STARD13: variants seen among roughly 807,000 people sequenced by gnomAD.
STARD13 encodes stAR-related lipid transfer protein 13.
Under a neutral mutation model 106.4 loss-of-function variants are expected in STARD13, and 62 were observed. The ratio of observed to expected loss-of-function variants is 0.58; its 90% CI spans 0.48 to 0.72. The LOEUF (loss-of-function observed/expected upper bound fraction) is 0.72, where lower values mean the gene tolerates loss of function less well. Among genes scored for constraint, STARD13 ranks in the 30% least tolerant of loss-of-function variants. The pLI is 0.00. For missense variants in STARD13, 1,387 were observed against 1,424.0 expected (o/e 0.97, Z 0.42); for synonymous variants, 565 against 553.0 (o/e 1.02, Z -0.31).
chr13:33,225,923 C>G lies in STARD13; in HGVS notation c.170-58301G>C, dbSNP rs547401544. Reference sequence around the variant, plus strand: ...AAATTCATATGTTAAAGCCTTAATCCCCAGTGTGACTGCATCCTTAAAGAT... The same window carrying G: ...AAATTCATATGTTAAAGCCTTAATCGCCAGTGTGACTGCATCCTTAAAGAT... On this transcript the variant is annotated intron_variant, in intron 1 of 13. Transcript: ENST00000336934. 2.8e-3 allele frequency among the ~76,000 whole-genome samples: 433 copies of G among 152,192 alleles called. 6 individuals are homozygous for G. Among genetic ancestry groups the G allele is most frequent in the African/African-American group, 0.01 (421 of 41,498 alleles).
rs529337820 is a variant in STARD13, at chr13:33,260,672, A to G, written c.169+24798T>C. ...AGCCTTTCATGTACATGTTTTGTAC[A>G]TCAACTAATATCTAGATATTGCGAC... On this transcript the variant is annotated intron_variant, in intron 1 of 13. Coordinates refer to ENST00000336934, the MANE Select transcript of STARD13 (RefSeq NM_178006.4). Among the ~76,000 whole-genome samples, 6 of 152,334 alleles carry G rather than the reference A, an allele frequency of 3.9e-5. No individual in the cohort carries two copies. The South Asian group carries it at 1.0e-3, about 26-fold the overall frequency.
the STARD13 span, among the ~76,000 whole-genome samples, chr13:33,534,406 AT>A: frequency 1.3e-5 from 2 of 152,194 alleles, no homozygotes; most frequent in African/African-American, 4.8e-5. Context: ...GACAGGGAAA[AT>A]AGTTGAAGAA....
At chr13:33,308,121 T>C (rs980940669) in intron 1 of STARD13, among the ~76,000 whole-genome samples, 3 of 152,202 alleles carry the variant, frequency 2.0e-5, no homozygotes, top group African/African-American at 7.2e-5. Context: ...GGCAAAACAC[T>C]CCACTGGTAG....
At chr13:33,657,931 C>G in the STARD13 span, among the ~76,000 whole-genome samples, 1 of 152,162 alleles carries the variant, frequency 6.6e-6, no homozygotes, top group African/African-American at 2.4e-5. Flanking sequence ...ACATAAAATA[C>G]ATGATTTTAA....
chr13:33,614,495 C>A, the STARD13 span, among the ~76,000 whole-genome samples: 1 of 152,088 alleles, frequency 6.6e-6, no homozygotes, highest in South Asian at 2.1e-4. Flanking sequence ...TCCACCCTTC[C>A]GCATGTCAGG....
the STARD13 span, among the ~76,000 whole-genome samples, chr13:33,657,281 A>G: frequency 1.3e-4 from 1 of 7,896 alleles, no homozygotes; most frequent in Non-Finnish European, 3.6e-4. Context: ...CAAACAAACA[A>G]AGAAAAAAAA....
At chr13:33,529,937 T>C in the STARD13 span, among the ~76,000 whole-genome samples, 3 of 152,094 alleles carry the variant, frequency 2.0e-5, no homozygotes, top group Non-Finnish European at 4.4e-5. Context: ...ATTAAGGAGT[T>C]TGAAATTTTG....
the STARD13 span, among the ~76,000 whole-genome samples, chr13:33,410,266 T>C: frequency 8.4e-4 from 128 of 152,364 alleles, no homozygotes; most frequent in African/African-American, 2.9e-3. Flanking sequence ...CAGCATTTTA[T>C]TGGTGTCACG....
the STARD13 span, among the ~76,000 whole-genome samples, chr13:33,428,113 T>C: frequency 6.6e-6 from 1 of 152,116 alleles, no homozygotes; most frequent in Non-Finnish European, 1.5e-5. Context: ...CTGGGAAAAC[T>C]GGATATACAC....
At chr13:33,479,979 T>G in the STARD13 span, among the ~76,000 whole-genome samples, 2 of 152,160 alleles carry the variant, frequency 1.3e-5, no homozygotes, top group African/African-American at 4.8e-5. Context: ...AAACCTCTTT[T>G]CTTTATAAAT....
At chr13:33,548,950 A>G in the STARD13 span, among the ~76,000 whole-genome samples, 1 of 152,182 alleles carries the variant, frequency 6.6e-6, no homozygotes, top group Non-Finnish European at 1.5e-5. Flanking sequence ...TAATCTCGGG[A>G]TAGAAAAATA....
At chr13:33,295,964 C>A (rs142671811) in intron 1 of STARD13, among the ~76,000 whole-genome samples, 358 of 151,946 alleles carry the variant, frequency 2.4e-3, no homozygotes, top group African/African-American at 8.3e-3. Context: ...ATAATCCCAG[C>A]AGTTTGGGAT....
At chr13:33,121,149 T>C (rs1876224082) in intron 7 of STARD13, among the ~76,000 whole-genome samples, 1 of 152,198 alleles carries the variant, frequency 6.6e-6, no homozygotes, top group Non-Finnish European at 1.5e-5. Flanking sequence ...CTGGGCACAG[T>C]GAGTAGAAGA....
the STARD13 span, among the ~76,000 whole-genome samples, chr13:33,390,006 G>A: frequency 9.9e-5 from 15 of 152,058 alleles, no homozygotes; most frequent in South Asian, 2.1e-3. Context: ...CCCTTCTTTC[G>A]TGCAAGGATA....
downstream of STARD13, among the ~76,000 whole-genome samples, chr13:33,343,940 G>A (rs1202696783): frequency 6.6e-6 from 1 of 152,028 alleles, no homozygotes; most frequent in East Asian, 1.9e-4. Flanking sequence ...AGGCACGACT[G>A]ATCTTTTTTT....
chr13:33,617,909 T>C, the STARD13 span, among the ~76,000 whole-genome samples: 9 of 152,210 alleles, frequency 5.9e-5, no homozygotes, highest in South Asian at 2.1e-4. Flanking sequence ...GATGTTATGA[T>C]AGAAAATTGG....
the STARD13 span, among the ~76,000 whole-genome samples, chr13:33,671,168 A>C: frequency 6.6e-6 from 1 of 152,122 alleles, no homozygotes; most frequent in Non-Finnish European, 1.5e-5. Context: ...TATTCCTATT[A>C]GGCATTGCTT....
At chr13:33,516,201 AT>A in the STARD13 span, among the ~76,000 whole-genome samples, 3 of 147,876 alleles carry the variant, frequency 2.0e-5, no homozygotes, top group East Asian at 5.9e-4. Context: ...ATATATATTT[AT>A]GTCATAATAT....
intron 9 of STARD13, 53 bp downstream of exon 9, chr13:33,112,668 C>G (rs1372445817): frequency 2.1e-6 from 3 of 1,412,232 alleles, no homozygotes; most frequent in East Asian, 4.6e-5. Context: ...GTCTTATGAA[C>G]TGTGGGAATG....
Sources: gnomAD v4.1 joint callset for allele counts (sites outside exome capture counted in the v4.1 genomes callset) on GRCh38, gnomAD v4.1.1 for gene constraint, MANE v1.5 for transcripts, NCBI Gene and HGNC (gene_info 2026-07-23, HGNC 2026-07-21) for gene names.